GDA: variants seen among roughly 807,000 people sequenced by gnomAD.
GDA encodes guanine deaminase, also known as cytoplasmic PSD-95 interactor.
Under a neutral mutation model 59.6 loss-of-function variants are expected in GDA, and 18 were observed. The ratio of observed to expected loss-of-function variants is 0.30; its 90% confidence interval spans 0.21 to 0.45. GDA has a LOEUF of 0.45. Among genes scored for constraint, GDA ranks in the 20% least tolerant of loss-of-function variants. The probability of loss-of-function intolerance (pLI) is 1.00; values close to 1 mark genes in which losing one functional copy is unlikely to be tolerated. For synonymous variants in GDA, 201 were observed against 201.1 expected, an observed-to-expected ratio of 1.00 and a Z score of 0.00; for missense variants, 427 against 552.3, an observed-to-expected ratio of 0.77 and a Z score of 2.27.
intron 10 of GDA, among the ~76,000 whole-genome samples, chr9:72,234,651 G>A (rs1173079653): frequency 6.6e-6 from 1 of 152,164 alleles, no homozygotes; most frequent in Non-Finnish European, 1.5e-5. Flanking sequence ...GAGCTTTGAA[G>A]GGTAAATCTT....
chr9:72,170,449 GA>G (rs939402960), intron 1 of GDA, among the ~76,000 whole-genome samples: 3 of 152,096 alleles, frequency 2.0e-5, no homozygotes, highest in Non-Finnish European at 4.4e-5. Flanking sequence ...TAAATAATGT[GA>G]AAAATATATT....
At chr9:72,256,598 C>T (rs556203088), downstream of GDA, among the ~76,000 whole-genome samples, 131 of 152,214 alleles carry the variant, frequency 8.6e-4, 1 homozygote, top group African/African-American at 3.1e-3. Context: ...AAAGGTATTT[C>T]GAGTAGAGCG....
intron 3 of GDA, among the ~76,000 whole-genome samples, chr9:72,207,580 G>C (rs1484700611): frequency 6.6e-6 from 1 of 152,138 alleles, no homozygotes; most frequent in Non-Finnish European, 1.5e-5. Context: ...CACTTTTCTA[G>C]TTGCTGGAGA....
intron 1 of GDA, among the ~76,000 whole-genome samples, chr9:72,136,846 G>T (rs998761673): frequency 6.6e-6 from 1 of 152,056 alleles, no homozygotes; most frequent in African/African-American, 2.4e-5. Flanking sequence ...ATGGTGGCAG[G>T]TGCCTGTAGT....
chr9:72,156,604 C>A (rs1360088134), intron 1 of GDA, among the ~76,000 whole-genome samples: 1 of 152,222 alleles, frequency 6.6e-6, no homozygotes, highest in East Asian at 1.9e-4. Context: ...TCAGAATGCT[C>A]ATGGCAAACA....
chr9:72,181,616 C>T lies in GDA; in HGVS notation c.124-13884C>T, dbSNP rs1051290284. ...CTGGGATTACAGGCGTGAGCCACCG[C>T]GCCTGGCCTCACTATCTTTTTTCAC... On this transcript the variant is annotated intron_variant, in intron 1 of 13. Coordinates refer to ENST00000358399, the MANE Select transcript of GDA (RefSeq NM_004293.5). Among the ~76,000 whole-genome samples, 13 of 152,140 alleles carry T rather than the reference C, an allele frequency of 8.5e-5. No individual in the cohort carries two copies. In the South Asian group the frequency reaches 1.2e-3, roughly 15 times the overall value.
intron 6 of GDA, among the ~76,000 whole-genome samples, chr9:72,219,985 T>A: frequency 6.6e-6 from 1 of 152,220 alleles, no homozygotes; most frequent in East Asian, 1.9e-4. Context: ...CTATATTCAT[T>A]GCAGTATCAT....
intron 1 of GDA, among the ~76,000 whole-genome samples, chr9:72,169,375 A>G (rs1327743106): frequency 2.6e-5 from 4 of 152,226 alleles, no homozygotes; most frequent in Non-Finnish European, 4.4e-5. Flanking sequence ...GTGAAACCTA[A>G]TGCCAAGTCT....
chr9:72,204,936 AC>A (rs1366935091), intron 3 of GDA, among the ~76,000 whole-genome samples: 1 of 151,846 alleles, frequency 6.6e-6, no homozygotes, highest in East Asian at 1.9e-4. Context: ...ACATGGCAAA[AC>A]CCTGTCTCTA....
At chr9:72,186,224 G>A (rs1264235258) in intron 1 of GDA, among the ~76,000 whole-genome samples, 1 of 152,080 alleles carries the variant, frequency 6.6e-6, no homozygotes, top group East Asian at 1.9e-4. Context: ...ATTTTTTTTA[G>A]AGATTACCTG....
chr9:72,171,266 C>T (rs1829942347), intron 1 of GDA, among the ~76,000 whole-genome samples: 1 of 152,110 alleles, frequency 6.6e-6, no homozygotes, highest in South Asian at 2.1e-4. Context: ...CCTTAAGTTC[C>T]ACTTAGTTCT....
chr9:72,248,080 C>T (rs1840337098), intron 13 of GDA, among the ~76,000 whole-genome samples, 192 bp from the exon 14 acceptor site: 1 of 152,086 alleles, frequency 6.6e-6, no homozygotes, highest in African/African-American at 2.4e-5. Context: ...CCCTAATCAT[C>T]AAATTAGCTA....
chr9:72,126,006 T>C (rs1167649171), intron 1 of GDA, among the ~76,000 whole-genome samples: 2 of 152,142 alleles, frequency 1.3e-5, no homozygotes, highest in Non-Finnish European at 2.9e-5. Flanking sequence ...AACCTCTGCC[T>C]CCTGGGTTCA....
rs552750665 is a variant in GDA at position 72,201,968 on chromosome 9, T to C, written c.213-603T>C. 2.6e-5 allele frequency among the ~76,000 whole-genome samples: 4 copies of C among 152,218 alleles called. No individual in the cohort carries two copies. In the East Asian group the frequency reaches 5.8e-4, roughly 22 times the overall value. On this transcript the variant is annotated intron_variant, in intron 2 of 13. Coordinates refer to ENST00000358399, the MANE Select transcript of GDA (RefSeq NM_004293.5). ...CTTCACTACTTACACCACTGCCCGT[T>C]TGTGGTCCATCTCCTGAGATCGCCT...
chr9:72,198,571 A>G (rs571313367), intron 2 of GDA, among the ~76,000 whole-genome samples: 10 of 151,842 alleles, frequency 6.6e-5, no homozygotes, highest in Non-Finnish European at 1.5e-4. Flanking sequence ...CATGATGAAC[A>G]AAATACCAAC....
exon 1 of GDA, chr9:72,114,662 T>G (rs1176807509): frequency 1.3e-5 from 2 of 152,078 alleles, no homozygotes; most frequent in Non-Finnish European, 2.9e-5. Context: ...GGCTAATTTT[T>G]TTTGTATTTC....
Position 72,249,363 on chromosome 9 carries a change from T to A in GDA, c.*1021T>A, listed in dbSNP as rs956674938. 5.1e-6 allele frequency: 5 copies of A among 971,348 alleles called. No individual in the cohort carries two copies. The African/African-American group carries it at 8.8e-5, about 17-fold the overall frequency. The allele number at this position is 971,348 out of a possible 1,614,324, so 60.2% of individuals were successfully genotyped here. A position where few individuals can be genotyped will look rare whatever the true frequency, so the allele number is the denominator to read the frequency against. On this transcript the variant is annotated 3_prime_UTR_variant, in exon 14 of 14. Transcript: ENST00000358399. ...ATATCAGTCTGCTAGAACTTTAAAA[T>A]GAAGGACAAATCCTGTTAAAGAAAT... is the stretch of plus-strand genomic sequence containing the variant.
At chr9:72,211,820 G>A (rs1835411772) in intron 4 of GDA, among the ~76,000 whole-genome samples, 2 of 152,142 alleles carry the variant, frequency 1.3e-5, no homozygotes, top group African/African-American at 2.4e-5. Context: ...GGGGGCAGTG[G>A]GAGAAGAGGG....
intron 1 of GDA, among the ~76,000 whole-genome samples, chr9:72,135,226 G>T (rs1826177803): frequency 8.4e-6 from 1 of 119,386 alleles, no homozygotes; most frequent in Admixed American, 7.7e-5. Context: ...ACGTACGTGT[G>T]TGTGTGTGTG....
Sources: allele counts gnomAD v4.1 joint callset (sites outside exome capture counted in the v4.1 genomes callset), GRCh38; gene constraint gnomAD v4.1.1; transcripts MANE v1.5; gene names NCBI Gene and HGNC (gene_info 2026-07-23, HGNC 2026-07-21).